The following SAMD5 variants were observed in gnomAD, a reference collection of about 807,000 sequenced individuals.
The protein encoded by SAMD5 is sterile alpha motif domain-containing protein 5.
Under a neutral mutation model 11.3 loss-of-function variants are expected in SAMD5, and 13 were observed. That is an observed-to-expected ratio of 1.15 (90% confidence interval 0.75 to 1.83). The LOEUF (loss-of-function observed/expected upper bound fraction) is 1.83, where lower values mean the gene tolerates loss of function less well. Ranked by LOEUF, SAMD5 falls within the 40% of genes most tolerant of loss-of-function variation. The pLI, the probability that SAMD5 is intolerant of heterozygous loss-of-function variation, is 0.00. For synonymous variants in SAMD5, 129 were observed against 111.3 expected (o/e 1.16, Z -1.00); for missense variants, 255 against 239.1 (o/e 1.07, Z -0.44).
At chr6:147,516,922 G>A (rs1788180141) in intron 1 of SAMD5, among the ~76,000 whole-genome samples, 1 of 152,144 alleles carries the variant, frequency 6.6e-6, no homozygotes, top group South Asian at 2.1e-4. Flanking sequence ...AAAATTCAAA[G>A]AGGCTCACCG....
intron 1 of SAMD5, among the ~76,000 whole-genome samples, chr6:147,718,744 A>G (rs1791503032): frequency 6.6e-6 from 1 of 151,904 alleles, no homozygotes; most frequent in Admixed American, 6.6e-5. Context: ...AGGCTAAAGT[A>G]CAGTGGCACA....
intron 1 of SAMD5, among the ~76,000 whole-genome samples, chr6:147,556,742 A>G (rs1788863612): frequency 6.6e-6 from 1 of 152,190 alleles, no homozygotes; most frequent in African/African-American, 2.4e-5. Context: ...CTTACATCAC[A>G]TATTAAACTC....
the SAMD5 span, among the ~76,000 whole-genome samples, chr6:147,763,115 T>G: frequency 6.6e-5 from 10 of 152,140 alleles, no homozygotes. Context: ...AGATACAGTC[T>G]GTCTTTATTT....
Position 147,566,159 on chromosome 6 carries a change from G to A in SAMD5, c.*1703G>A. 1 of 980,210 alleles carries A rather than the reference G, an allele frequency of 1.0e-6. No individual in the cohort carries two copies. The highest frequency in any genetic ancestry group is 1.2e-6 in the Non-Finnish European group (1 of 825,268). 60.7% of individuals were successfully genotyped at this position (980,210 alleles called of 1,614,324 possible). A position where few individuals can be genotyped will look rare whatever the true frequency, so the allele number is the denominator to read the frequency against. ...ATTTCTGTAGGTTAATTCAGGCACT[G>A]ACTAAAATCAGTCTCATTATCATAT... is the stretch of plus-strand genomic sequence containing the variant. On this transcript the variant is annotated 3_prime_UTR_variant, in exon 2 of 2. Transcript: ENST00000367474.
the SAMD5 span, among the ~76,000 whole-genome samples, chr6:147,786,553 G>A: frequency 6.6e-6 from 1 of 152,248 alleles, no homozygotes; most frequent in South Asian, 2.1e-4. Context: ...TGTCATTTCT[G>A]AATTTCATCA....
Position 147,565,105 on chromosome 6 carries a change from T to A in SAMD5, c.*649T>A. On this transcript the variant is annotated 3_prime_UTR_variant, in exon 2 of 2. Coordinates refer to ENST00000367474, the MANE Select transcript of SAMD5 (RefSeq NM_001030060.3). ...GAGGACAATTTCTTCTAACTTCTCT[T>A]TTTAAATTTAATCTGGCTGAGGTTT... 1 of 984,954 alleles carries A rather than the reference T, an allele frequency of 1.0e-6. No homozygotes were observed. The highest frequency in any genetic ancestry group is 1.2e-6 in the Non-Finnish European group (1 of 829,452). The allele number at this position is 984,954 out of a possible 1,614,324, so 61.0% of individuals were successfully genotyped here.
chr6:147,919,542 G>A, the SAMD5 span, among the ~76,000 whole-genome samples: 2 of 152,134 alleles, frequency 1.3e-5, no homozygotes, highest in Non-Finnish European at 2.9e-5. Context: ...ATTGGCATTA[G>A]CATTCAGAAT....
chr6:147,535,693 A>G (rs1788498142), intron 1 of SAMD5, among the ~76,000 whole-genome samples: 1 of 152,230 alleles, frequency 6.6e-6, no homozygotes, highest in Admixed American at 6.5e-5. Context: ...TATTCTATGA[A>G]GAATTTTAGA....
At chr6:147,599,923 T>C (rs1443535375) in intron 1 of SAMD5, among the ~76,000 whole-genome samples, 3 of 152,072 alleles carry the variant, frequency 2.0e-5, no homozygotes, top group South Asian at 4.2e-4. Flanking sequence ...AGTAGGTGTG[T>C]ATGGGACCAG....
chr6:147,920,681 C>T, the SAMD5 span, among the ~76,000 whole-genome samples: 1 of 152,150 alleles, frequency 6.6e-6, no homozygotes, highest in African/African-American at 2.4e-5. Context: ...AGCCATCCAT[C>T]CAAGGAGTTG....
At chr6:147,605,578 T>G (rs929434210) in intron 1 of SAMD5, among the ~76,000 whole-genome samples, 3 of 152,186 alleles carry the variant, frequency 2.0e-5, no homozygotes, top group African/African-American at 7.2e-5. Context: ...CAAAGCAATG[T>G]ACAGAAAATA....
intron 1 of SAMD5, among the ~76,000 whole-genome samples, chr6:147,638,879 A>C (rs1219486514): frequency 1.3e-5 from 2 of 152,226 alleles, no homozygotes; most frequent in East Asian, 1.9e-4. Flanking sequence ...TTAACAATAC[A>C]TTTCTTTACT....
At chr6:147,716,806 G>A (rs1791475659) in intron 1 of SAMD5, among the ~76,000 whole-genome samples, 1 of 152,184 alleles carries the variant, frequency 6.6e-6, no homozygotes, top group South Asian at 2.1e-4. Context: ...GAGGAAAGGA[G>A]GAAGAAAGAG....
At chr6:147,725,716 T>C (rs934520052) in intron 1 of SAMD5, among the ~76,000 whole-genome samples, 1 of 152,188 alleles carries the variant, frequency 6.6e-6, no homozygotes, top group Non-Finnish European at 1.5e-5. Flanking sequence ...GAGAACTTTA[T>C]AGAATATTGA....
In SAMD5 at chr6:147,509,338, A is replaced by C. The variant is rs1257574083; in HGVS notation, c.410A>C (p.Lys137Thr). The change falls in exon 1 of 2, where the codon AAG becomes ACG. Residue 137 changes from lysine to threonine, a missense_variant. Lys to Thr is a moderately conservative substitution (Grantham distance 78). Coordinates refer to ENST00000367474, the MANE Select transcript of SAMD5 (RefSeq NM_001030060.3). ...KLKLKIMIRD[K>T]LVRDGIHLSK... ...AAGCTGAAGATCATGATCAGGGATA[A>C]GCTCGTCCGTGACGGCATCCACCTG... 6.3e-7 allele frequency: 1 copy of C among 1,581,802 alleles called. No homozygotes were observed. The highest frequency in any genetic ancestry group is 8.6e-7 in the Non-Finnish European group (1 of 1,165,820).
At chr6:147,621,064 T>G (rs1291029241) in intron 1 of SAMD5, among the ~76,000 whole-genome samples, 2 of 151,386 alleles carry the variant, frequency 1.3e-5, no homozygotes, top group Non-Finnish European at 2.9e-5. Flanking sequence ...ATCATAAAGG[T>G]GGGTTGGAGC....
intron 1 of SAMD5, among the ~76,000 whole-genome samples, chr6:147,655,505 G>C (rs1279069335): frequency 1.3e-5 from 2 of 151,924 alleles, no homozygotes; most frequent in African/African-American, 4.8e-5. Context: ...CTACTGAATG[G>C]ACAGAAAAAC....
At chr6:147,863,152 C>T in the SAMD5 span, among the ~76,000 whole-genome samples, 1 of 152,130 alleles carries the variant, frequency 6.6e-6, no homozygotes, top group Admixed American at 6.5e-5. Flanking sequence ...GGTAAAGGGT[C>T]ATAATTTCAG....
At chr6:147,570,934 T>C (rs1789127434), downstream of SAMD5, among the ~76,000 whole-genome samples, 1 of 152,174 alleles carries the variant, frequency 6.6e-6, no homozygotes, top group South Asian at 2.1e-4. Flanking sequence ...AATCCTGGCT[T>C]TTGTCTGATG....
Sources: gnomAD v4.1 joint callset for allele counts (sites outside exome capture counted in the v4.1 genomes callset) on GRCh38, gnomAD v4.1.1 for gene constraint, MANE v1.5 for transcripts, NCBI Gene and HGNC (gene_info 2026-07-23, HGNC 2026-07-21) for gene names.